Variants in PACSIN2 observed in about 807,000 individuals in gnomAD.
The protein encoded by PACSIN2 is protein kinase C and casein kinase substrate in neurons protein 2.
Under a neutral mutation model 63.8 loss-of-function variants are expected in PACSIN2, and 25 were observed. The observed-to-expected ratio is 0.39, with a 90% confidence interval of 0.29 to 0.55. The LOEUF is 0.55. Among genes scored for constraint, PACSIN2 ranks in the 20% least tolerant of loss-of-function variants. The pLI, the probability that PACSIN2 is intolerant of heterozygous loss-of-function variation, is 0.62. For synonymous variants in PACSIN2, 255 were observed against 256.2 expected, an observed-to-expected ratio of 1.00 and a Z score of 0.05; for missense variants, 518 against 646.9, an observed-to-expected ratio of 0.80 and a Z score of 2.16.
intron 2 of PACSIN2, among the ~76,000 whole-genome samples, chr22:42,896,330 C>G (rs1275792889): frequency 5.3e-5 from 8 of 152,224 alleles, no homozygotes; most frequent in Non-Finnish European, 1.0e-4. Flanking sequence ...ATGTTGCTAT[C>G]TACGTCAGAA....
intron 1 of PACSIN2, among the ~76,000 whole-genome samples, chr22:43,006,815 C>CAAA (rs1323366665): frequency 6.6e-6 from 1 of 151,736 alleles, no homozygotes; most frequent in Non-Finnish European, 1.5e-5. Context: ...AATTCCGTCT[C>CAAA]AAAAAAGAAA....
chr22:42,935,147 G>A (rs981389340), intron 1 of PACSIN2, among the ~76,000 whole-genome samples: 7 of 150,362 alleles, frequency 4.7e-5, no homozygotes, highest in Admixed American at 2.7e-4. Context: ...GGATGGTCTC[G>A]ATCTCCTGAC....
chr22:42,947,675 T>TGGGG (rs148517295), intron 1 of PACSIN2, among the ~76,000 whole-genome samples: 1 of 78,312 alleles, frequency 1.3e-5, no homozygotes, highest in African/African-American at 3.7e-5. Flanking sequence ...CCCCTGGGGG[T>TGGGG]GGGGGGGGGG....
intron 1 of PACSIN2, among the ~76,000 whole-genome samples, chr22:42,956,277 G>A (rs2146839950): frequency 6.6e-6 from 1 of 152,290 alleles, no homozygotes; most frequent in East Asian, 1.9e-4. Flanking sequence ...TATGTACCAT[G>A]AGCCCACATA....
intron 1 of PACSIN2, among the ~76,000 whole-genome samples, chr22:42,974,762 A>G (rs1380170676): frequency 1.3e-5 from 2 of 150,988 alleles, no homozygotes; most frequent in African/African-American, 2.5e-5. Flanking sequence ...AAAAAAAAAA[A>G]AAAGAAAAGA....
At chr22:42,962,781 G>GT (rs1920927237) in intron 1 of PACSIN2, among the ~76,000 whole-genome samples, 1 of 133,592 alleles carries the variant, frequency 7.5e-6, no homozygotes, top group African/African-American at 3.0e-5. Context: ...TGGGCGGGGG[G>GT]GGGGGGCGGC....
At chr22:42,930,383 C>T (rs1227219002) in intron 1 of PACSIN2, among the ~76,000 whole-genome samples, 1 of 152,202 alleles carries the variant, frequency 6.6e-6, no homozygotes, top group African/African-American at 2.4e-5. Context: ...CACTCAGCAC[C>T]TTTGTCTCAG....
At chr22:43,011,943 G>T (rs182280389) in intron 1 of PACSIN2, among the ~76,000 whole-genome samples, 4 of 150,934 alleles carry the variant, frequency 2.7e-5, no homozygotes, top group Non-Finnish European at 5.9e-5. Context: ...TCAGGAAATC[G>T]AGACCATACT....
chr22:42,952,750 C>T (rs560354698), intron 1 of PACSIN2, among the ~76,000 whole-genome samples: 2 of 151,922 alleles, frequency 1.3e-5, no homozygotes, highest in East Asian at 3.9e-4. Flanking sequence ...ACAATCTCTG[C>T]CTCCCAGGTT....
chr22:42,987,109 T>TG (rs1023625927), intron 1 of PACSIN2, among the ~76,000 whole-genome samples: 1 of 152,170 alleles, frequency 6.6e-6, no homozygotes, highest in African/African-American at 2.4e-5. Context: ...GATGACTTGC[T>TG]GGGGGGTGTG....
chr22:42,904,995 A>G (rs1930970396), intron 2 of PACSIN2, among the ~76,000 whole-genome samples: 1 of 152,270 alleles, frequency 6.6e-6, no homozygotes, highest in Non-Finnish European at 1.5e-5. Context: ...GAGATTTGTT[A>G]CTGAATAGAA....
chr22:43,011,100 C>T (rs894648817), intron 1 of PACSIN2, among the ~76,000 whole-genome samples: 2 of 152,226 alleles, frequency 1.3e-5, no homozygotes, highest in Non-Finnish European at 2.9e-5. Context: ...ATCCCAAGAA[C>T]CACCACTGGG....
intron 1 of PACSIN2, among the ~76,000 whole-genome samples, chr22:42,925,133 G>A (rs1047028991): frequency 7.9e-5 from 12 of 151,320 alleles, no homozygotes; most frequent in Non-Finnish European, 1.6e-4. Flanking sequence ...ACCTCCTAAC[G>A]AGCTACATAA....
intron 1 of PACSIN2, among the ~76,000 whole-genome samples, chr22:42,972,238 T>C (rs542106649): frequency 1.3e-4 from 20 of 152,370 alleles, no homozygotes; most frequent in Middle Eastern, 3.4e-3. Flanking sequence ...ACATGTGCTG[T>C]GTCCACTCAG....
chr22:42,962,775 C>CGGG (rs1555936911), intron 1 of PACSIN2, among the ~76,000 whole-genome samples: 8 of 16,410 alleles, frequency 4.9e-4, no homozygotes, highest in African/African-American at 1.2e-3. Context: ...AAGGTGTGGG[C>CGGG]GGGGGGGGGG....
chr22:42,983,117 G>C (rs1480810294), intron 1 of PACSIN2, among the ~76,000 whole-genome samples: 1 of 151,678 alleles, frequency 6.6e-6, no homozygotes, highest in Non-Finnish European at 1.5e-5. Flanking sequence ...ACGAGTTCGA[G>C]ACCAGCCTGG....
chr22:43,001,234 T>C (rs1384972358), intron 1 of PACSIN2, among the ~76,000 whole-genome samples: 1 of 152,200 alleles, frequency 6.6e-6, no homozygotes, highest in Non-Finnish European at 1.5e-5. Context: ...GCTAAGAGCA[T>C]ATGGTTCTGG....
chr22:42,919,204 C>T (rs1483475103), intron 1 of PACSIN2, among the ~76,000 whole-genome samples: 1 of 152,110 alleles, frequency 6.6e-6, no homozygotes, highest in East Asian at 1.9e-4. Flanking sequence ...GATATTGAGT[C>T]GAAAATGAGT....
chr22:42,989,786 G>C (rs1352264912), intron 1 of PACSIN2, among the ~76,000 whole-genome samples: 3 of 150,284 alleles, frequency 2.0e-5, no homozygotes, highest in Non-Finnish European at 2.9e-5. Context: ...GGGCGACACA[G>C]TGAGACTCTG....
Sources: gnomAD v4.1 joint callset for allele counts (sites outside exome capture counted in the v4.1 genomes callset) on GRCh38, gnomAD v4.1.1 for gene constraint, MANE v1.5 for transcripts, NCBI Gene and HGNC (gene_info 2026-07-23, HGNC 2026-07-21) for gene names.